TMEM132D: variants seen among roughly 807,000 people sequenced by gnomAD.
TMEM132D encodes mature OL transmembrane protein.
A neutral mutation model predicts 62.3 loss-of-function variants in TMEM132D; 21 were observed. The observed-to-expected ratio is 0.34, with a 90% CI of 0.24 to 0.49. The LOEUF is 0.49. Among genes scored for constraint, TMEM132D ranks in the 20% least tolerant of loss-of-function variants. The pLI, the probability that TMEM132D is intolerant of heterozygous loss-of-function variation, is 0.99. For synonymous variants in TMEM132D, 621 were observed against 575.6 expected, an observed-to-expected ratio of 1.08 and a Z score of -1.13; for missense variants, 1,346 against 1,402.8, an observed-to-expected ratio of 0.96 and a Z score of 0.65.
chr12:129,285,297 T>C (rs1031563153), intron 4 of TMEM132D, among the ~76,000 whole-genome samples: 1 of 151,444 alleles, frequency 6.6e-6, no homozygotes, highest in African/African-American at 2.4e-5. Flanking sequence ...AGTAGGTGGA[T>C]TGCTTGGGGT....
intron 1 of TMEM132D, among the ~76,000 whole-genome samples, chr12:129,771,968 A>C (rs1870768301): frequency 6.6e-6 from 1 of 152,254 alleles, no homozygotes; most frequent in Non-Finnish European, 1.5e-5. Flanking sequence ...CCTAAGTTAT[A>C]TAAACAAAGG....
chr12:129,799,054 C>T lies in TMEM132D; in HGVS notation c.80-98356G>A, dbSNP rs546117097. ...GCCAAGGCGGGCGGATCACAAGGTCCGGAGATGGAGACCAATCCTGTCCAA... is the reference window on the plus strand; with the variant it reads ...GCCAAGGCGGGCGGATCACAAGGTCTGGAGATGGAGACCAATCCTGTCCAA... On this transcript the variant is annotated intron_variant, in intron 1 of 8. Transcript: ENST00000422113. 1.1e-4 allele frequency among the ~76,000 whole-genome samples: 17 copies of T among 151,994 alleles called. No individual in the cohort carries two copies. In the East Asian group the frequency reaches 2.7e-3, roughly 24 times the overall value.
intron 1 of TMEM132D, among the ~76,000 whole-genome samples, chr12:129,812,479 G>C (rs1428583889): frequency 1.3e-5 from 2 of 151,584 alleles, no homozygotes; most frequent in Admixed American, 1.3e-4. Flanking sequence ...CATCATCTTT[G>C]GCAAACTTCT....
intron 2 of TMEM132D, chr12:129,683,049 T>A (rs957588149): frequency 1.3e-5 from 2 of 151,258 alleles, no homozygotes; most frequent in Admixed American, 6.6e-5. Context: ...TCACTGGTAA[T>A]CCCCAGCACC....
chr12:129,674,746 G>A lies in TMEM132D; in HGVS notation c.968+25064C>T, dbSNP rs571050223. Among the ~76,000 whole-genome samples, 19 of 152,110 alleles carry A rather than the reference G, an allele frequency of 1.2e-4. No homozygotes were observed. In the South Asian group the frequency reaches 3.7e-3, roughly 30 times the overall value. ...AGTACAGATGGGGTTTCACTATGTT[G>A]GCCAGACTGGTCTCGAACTCCTGAC... On this transcript the variant is annotated intron_variant, in intron 2 of 8. Transcript: ENST00000422113.
chr12:129,417,261 A>T (rs1593371426), intron 3 of TMEM132D, among the ~76,000 whole-genome samples: 1 of 152,192 alleles, frequency 6.6e-6, no homozygotes, highest in Admixed American at 6.5e-5. Flanking sequence ...ATGCAAAAAG[A>T]ACAAAGCTGG....
chr12:129,225,794 C>T (rs1879466428), intron 4 of TMEM132D, among the ~76,000 whole-genome samples: 1 of 152,142 alleles, frequency 6.6e-6, no homozygotes, highest in Admixed American at 6.6e-5. Flanking sequence ...CATAACCTGC[C>T]GTGCCTTTCA....
intron 2 of TMEM132D, among the ~76,000 whole-genome samples, chr12:129,654,491 CT>C (rs1260594459): frequency 6.6e-6 from 1 of 152,126 alleles, no homozygotes; most frequent in Non-Finnish European, 1.5e-5. Flanking sequence ...GTAAGATTTT[CT>C]TCCCCCCTAA....
At chr12:129,573,179 G>T (rs909999945) in intron 2 of TMEM132D, among the ~76,000 whole-genome samples, 13 of 152,180 alleles carry the variant, frequency 8.5e-5, no homozygotes, top group Non-Finnish European at 1.6e-4. Context: ...CTCTCCCAGG[G>T]GCTCATCGGC....
rs71085578 is a variant in TMEM132D at position 129,839,117 on chromosome 12, A to ATTTTTTTTTTTTTTTT, written c.79+64128_79+64143dup. Among the ~76,000 whole-genome samples, 145 of 20,712 alleles carry ATTTTTTTTTTTTTTTT rather than the reference A, an allele frequency of 7.0e-3. 53 individuals carry two copies. The highest frequency in any genetic ancestry group is 8.0e-3 in the Non-Finnish European group (95 of 11,882). The allele number at this position is 20,712 out of a possible 152,430, so 13.6% of individuals were successfully genotyped here. A position where few individuals can be genotyped will look rare whatever the true frequency, so the allele number is the denominator to read the frequency against. On this transcript the variant is annotated intron_variant, in intron 1 of 8. Coordinates refer to ENST00000422113, the MANE Select transcript of TMEM132D (RefSeq NM_133448.3). Reference sequence around the variant, plus strand: ...AGGCGTCCACCACCACGCCTGGCTAATTTTTTTTTTTTTTTTTTTTTTTTT... The same window carrying ATTTTTTTTTTTTTTTT: ...AGGCGTCCACCACCACGCCTGGCTAATTTTTTTTTTTTTTTTTTTTTTTTTTTTTTTTTTTTTTTTT...
At chr12:129,257,829 A>G (rs1309756242) in intron 4 of TMEM132D, among the ~76,000 whole-genome samples, 6 of 152,214 alleles carry the variant, frequency 3.9e-5, no homozygotes, top group African/African-American at 1.4e-4. Flanking sequence ...GGGCATGGAG[A>G]TAACTCTGAG....
chr12:129,472,478 T>C (rs933601659), intron 3 of TMEM132D, among the ~76,000 whole-genome samples: 1 of 152,112 alleles, frequency 6.6e-6, no homozygotes. Context: ...AAATACCTAA[T>C]GCATGCGGGG....
rs539082482 is a variant in TMEM132D at position 129,511,695 on chromosome 12, A to C, written c.1115+19364T>G. ...TTTTTAACTGGGTCATTTGTCTTCT[A>C]TTCTGGGTATGAGTCCTTTGTCAGC... On this transcript the variant is annotated intron_variant, in intron 3 of 8. Transcript: ENST00000422113. 3.3e-5 allele frequency among the ~76,000 whole-genome samples: 5 copies of C among 152,276 alleles called. No individual in the cohort carries two copies. The South Asian group carries it at 1.0e-3, about 32-fold the overall frequency.
intron 1 of TMEM132D, among the ~76,000 whole-genome samples, chr12:129,848,705 T>C (rs1249160291): frequency 3.9e-5 from 6 of 152,202 alleles, no homozygotes; most frequent in Non-Finnish European, 8.8e-5. Context: ...CTCAATTTCA[T>C]GAAAATTCAA....
intron 5 of TMEM132D, among the ~76,000 whole-genome samples, chr12:129,129,529 T>C (rs1017373513): frequency 1.3e-5 from 2 of 152,236 alleles, no homozygotes; most frequent in African/African-American, 4.8e-5. Context: ...TTGGGTTGAA[T>C]GGTAGTTCTG....
rs747083349 is a variant in TMEM132D at position 129,664,193 on chromosome 12, TG to T, written c.968+35616del. On this transcript the variant is annotated intron_variant, in intron 2 of 8. Coordinates refer to ENST00000422113, the MANE Select transcript of TMEM132D (RefSeq NM_133448.3). ...TAGAGCAATCTTCAAAAAATCAAGT[TG>T]TGATTGCGGAGCACAGCCCTCCTTG... Among the ~76,000 whole-genome samples the T allele has an allele frequency of 4.6e-5, 7 of 152,280 alleles. No homozygotes were observed. In the East Asian group the frequency reaches 1.2e-3, roughly 25 times the overall value.
intron 5 of TMEM132D, among the ~76,000 whole-genome samples, chr12:129,137,271 T>C (rs1876610885): frequency 6.6e-6 from 1 of 151,658 alleles, no homozygotes; most frequent in South Asian, 2.1e-4. Flanking sequence ...AACATCACTA[T>C]CACCATCACT....
intron 2 of TMEM132D, among the ~76,000 whole-genome samples, chr12:129,618,764 A>G (rs1878986663): frequency 6.6e-6 from 1 of 152,234 alleles, no homozygotes; most frequent in Non-Finnish European, 1.5e-5. Flanking sequence ...TTTTGCCAAG[A>G]TAAAGGATGT....
At chr12:129,861,730 G>T (rs550887404) in intron 1 of TMEM132D, among the ~76,000 whole-genome samples, 1 of 147,112 alleles carries the variant, frequency 6.8e-6, no homozygotes, top group East Asian at 2.0e-4. Flanking sequence ...CTCCAGCCTG[G>T]GCAACAGAGA....
Sources: gnomAD v4.1 joint callset for allele counts (sites outside exome capture counted in the v4.1 genomes callset) on GRCh38, gnomAD v4.1.1 for gene constraint, MANE v1.5 for transcripts, NCBI Gene and HGNC (gene_info 2026-07-23, HGNC 2026-07-21) for gene names.